The following FAM240B variants were observed in gnomAD, a reference collection of about 807,000 sequenced individuals.
The protein encoded by FAM240B is family with sequence similarity 240 member B.
intron 1 of FAM240B, among the ~76,000 whole-genome samples, chr9:38,706,354 TC>T (rs1821190482): frequency 2.0e-5 from 3 of 152,134 alleles, no homozygotes; most frequent in Non-Finnish European, 4.4e-5. Context: ...TCCCGGACAC[TC>T]CCTGGAAAGA....
intron 1 of FAM240B, among the ~76,000 whole-genome samples, chr9:38,716,772 C>T (rs762004182): frequency 1.2e-4 from 19 of 152,288 alleles, no homozygotes; most frequent in Non-Finnish European, 2.4e-4. Context: ...GAACCGGAAA[C>T]GGGCTATGTA....
At chr9:38,700,097 C>T (rs1286605695) in intron 2 of FAM240B, among the ~76,000 whole-genome samples, 2 of 152,192 alleles carry the variant, frequency 1.3e-5, no homozygotes, top group African/African-American at 2.4e-5. Context: ...CAAGCTTTGG[C>T]ATACTCATTT....
intron 1 of FAM240B, among the ~76,000 whole-genome samples, chr9:38,717,464 C>G (rs1202053297): frequency 6.6e-6 from 1 of 151,922 alleles, no homozygotes; most frequent in Non-Finnish European, 1.5e-5. Flanking sequence ...TAGTAGTGGT[C>G]TCACCCTAAA....
At chr9:38,717,632 C>T (rs926499180) in intron 1 of FAM240B, among the ~76,000 whole-genome samples, 1 of 152,082 alleles carries the variant, frequency 6.6e-6, no homozygotes, top group East Asian at 2.0e-4. Context: ...AGGCGCCCGC[C>T]GCCACACCCG....
chr9:38,701,502 G>A (rs1281152736), intron 2 of FAM240B, among the ~76,000 whole-genome samples: 3 of 152,116 alleles, frequency 2.0e-5, no homozygotes, highest in Non-Finnish European at 4.4e-5. Context: ...TTTGCCAAAT[G>A]AAAAAAGCTT....
chr9:38,695,821 T>C lies in FAM240B; in HGVS notation c.144-952A>G, dbSNP rs563223357. 1.6e-3 allele frequency among the ~76,000 whole-genome samples: 238 copies of C among 152,336 alleles called. 1 individual carries two copies. Among genetic ancestry groups the C allele is most frequent in the Non-Finnish European group, 2.5e-3 (172 of 68,034 alleles). On this transcript the variant is annotated intron_variant, in intron 2 of 2. Coordinates refer to ENST00000637493, the MANE Select transcript of FAM240B (RefSeq NM_001394922.1). ...GAAGCTTAACATAAAGTTACCATCATCAAGGCAGTGAACAAACAAATAGAT... is the reference window on the plus strand; with the variant it reads ...GAAGCTTAACATAAAGTTACCATCACCAAGGCAGTGAACAAACAAATAGAT...
intron 1 of FAM240B, among the ~76,000 whole-genome samples, chr9:38,707,731 T>C (rs1821207285): frequency 6.7e-6 from 1 of 149,768 alleles, no homozygotes; most frequent in Non-Finnish European, 1.5e-5. Context: ...GAGGTGGAGA[T>C]TGCAGTGAGC....
rs555282218 is a variant in FAM240B at position 38,710,250 on chromosome 9, G to A, written c.-3-6248C>T. On this transcript the variant is annotated intron_variant, in intron 1 of 2. Coordinates refer to ENST00000637493, the MANE Select transcript of FAM240B (RefSeq NM_001394922.1). ...CCCAAAGTGCTGGGATTACAGGTGT[G>A]AGCCCACAGCGCTCGGCCTTGATGT... 4.3e-4 allele frequency among the ~76,000 whole-genome samples: 65 copies of A among 152,310 alleles called. No homozygotes were observed. The South Asian group carries it at 8.5e-3, about 20-fold the overall frequency.
chr9:38,698,359 C>T (rs182684107), intron 2 of FAM240B, among the ~76,000 whole-genome samples: 2 of 152,240 alleles, frequency 1.3e-5, no homozygotes, highest in African/African-American at 2.4e-5. Flanking sequence ...GAATTGCAAC[C>T]ACCAGTTGGC....
chr9:38,717,279 CAA>C (rs148755805), intron 1 of FAM240B, among the ~76,000 whole-genome samples: 5,932 of 152,160 alleles, frequency 0.039, 168 homozygotes, highest in Non-Finnish European at 0.054. Flanking sequence ...ATAATTTGGT[CAA>C]AGAGTTAACA....
At chr9:38,712,640 A>G (rs1035170987) in intron 1 of FAM240B, among the ~76,000 whole-genome samples, 1 of 152,236 alleles carries the variant, frequency 6.6e-6, no homozygotes, top group African/African-American at 2.4e-5. Context: ...CAGAATGTCT[A>G]TTCATTGGGT....
intron 1 of FAM240B, among the ~76,000 whole-genome samples, chr9:38,704,537 G>T (rs1299774234): frequency 1.3e-5 from 2 of 151,780 alleles, no homozygotes; most frequent in Non-Finnish European, 2.9e-5. Context: ...TTTTATATTT[G>T]AATGATTCAT....
chr9:38,696,298 C>T (rs752470691), intron 2 of FAM240B, among the ~76,000 whole-genome samples: 26 of 152,136 alleles, frequency 1.7e-4, no homozygotes, highest in Non-Finnish European at 3.4e-4. Context: ...CTATTTTCCT[C>T]GGAGTGGCTC....
intron 1 of FAM240B, 149 bp downstream of exon 1, chr9:38,719,873 C>T (rs939962132): frequency 6.6e-6 from 1 of 152,236 alleles, no homozygotes; most frequent in African/African-American, 2.4e-5. Flanking sequence ...TTATTCCCAA[C>T]TGGTACAGCG....
intron 2 of FAM240B, among the ~76,000 whole-genome samples, chr9:38,695,116 G>A (rs747413649): frequency 6.6e-6 from 1 of 152,138 alleles, no homozygotes. Context: ...TGCATGCGGG[G>A]CTTAAAACCT....
intron 2 of FAM240B, among the ~76,000 whole-genome samples, chr9:38,697,973 A>G (rs192324273): frequency 6.5e-4 from 99 of 152,374 alleles, no homozygotes; most frequent in Admixed American, 2.1e-3. Context: ...TTTGTAAATA[A>G]GGTTTTATTG....
At chr9:38,710,428 A>G (rs1196135693) in intron 1 of FAM240B, among the ~76,000 whole-genome samples, 1 of 152,192 alleles carries the variant, frequency 6.6e-6, no homozygotes, top group Admixed American at 6.5e-5. Context: ...AAGGCCACAT[A>G]CTTGAGTTAT....
chr9:38,717,997 G>A (rs1226285462), intron 1 of FAM240B, among the ~76,000 whole-genome samples: 1 of 152,156 alleles, frequency 6.6e-6, no homozygotes, highest in Non-Finnish European at 1.5e-5. Context: ...CCATCTTATT[G>A]GAAGCATATA....
At chr9:38,719,771 C>T (rs921370856) in intron 1 of FAM240B, among the ~76,000 whole-genome samples, 4 of 152,078 alleles carry the variant, frequency 2.6e-5, no homozygotes, top group African/African-American at 9.7e-5. Flanking sequence ...CTTGCTTTTT[C>T]CACACTCTTT....
Sources: gnomAD v4.1 joint callset for allele counts (sites outside exome capture counted in the v4.1 genomes callset) on GRCh38, gnomAD v4.1.1 for gene constraint, MANE v1.5 for transcripts, NCBI Gene and HGNC (gene_info 2026-07-23, HGNC 2026-07-21) for gene names.